Variants in IL1RAPL1 observed in about 807,000 individuals in gnomAD.
IL1RAPL1 encodes interleukin-1 receptor accessory protein-like 1.
A neutral mutation model predicts 48.4 loss-of-function variants in IL1RAPL1; 3 were observed. The observed-to-expected ratio is 0.06, with a 90% confidence interval of 0.03 to 0.16. The LOEUF (loss-of-function observed/expected upper bound fraction) is 0.16. Among genes scored for constraint, IL1RAPL1 ranks in the 10% least tolerant of loss-of-function variants. The pLI is 1.00. For missense variants in IL1RAPL1, 349 were observed against 530.6 expected, an observed-to-expected ratio of 0.66 and a Z score of 3.36; for synonymous variants, 185 against 187.7, an observed-to-expected ratio of 0.99 and a Z score of 0.12.
At chrX:28,996,860 T>G in intron 2 of IL1RAPL1, among the ~76,000 whole-genome samples, 1 of 111,449 alleles carries the variant, frequency 9.0e-6, no homozygotes, top group Non-Finnish European at 1.9e-5. Context: ...GTGTGATTAT[T>G]GGCCATTTGT....
At chrX:29,095,876 G>A (rs1928203357) in intron 2 of IL1RAPL1, among the ~76,000 whole-genome samples, 2 of 107,433 alleles carry the variant, frequency 1.9e-5, no homozygotes. Context: ...TTTTTGCTTT[G>A]TTTTTAATGG....
At chrX:29,257,748 A>G (rs1433843238) in intron 2 of IL1RAPL1, among the ~76,000 whole-genome samples, 1 of 111,903 alleles carries the variant, frequency 8.9e-6, no homozygotes, top group Non-Finnish European at 1.9e-5. Flanking sequence ...CTGACTTACT[A>G]TTCCTTTGCA....
chrX:28,619,896 T>C (rs998295531), intron 1 of IL1RAPL1, among the ~76,000 whole-genome samples: 1 of 111,600 alleles, frequency 9.0e-6, no homozygotes, highest in Non-Finnish European at 1.9e-5. Context: ...GATGATACCA[T>C]GTAGTTTTGC....
Position 28,587,751 on chromosome X carries a change from C to T in IL1RAPL1, c.-321C>T, listed in dbSNP as rs1203692297. The T allele has an allele frequency of 1.3e-5, 1 of 76,122 alleles. No homozygotes were observed. The highest frequency in any genetic ancestry group is 6.0e-5 in the African/African-American group (1 of 16,586). 6.3% of individuals were successfully genotyped at this position (76,122 alleles called of 1,213,427 possible). ...TTTCTATCTGCCTCTTCATTTTTCT[C>T]CTAGTCTGTTTTTTTTTTTCCTGCT... On this transcript the variant is annotated 5_prime_UTR_variant, in exon 1 of 11. Transcript: ENST00000378993.
chrX:29,531,033 A>G (rs1276966490), intron 5 of IL1RAPL1, among the ~76,000 whole-genome samples: 1 of 112,030 alleles, frequency 8.9e-6, no homozygotes, highest in Non-Finnish European at 1.9e-5. Flanking sequence ...TGCTAGTTTT[A>G]TTATGTTTGC....
At chrX:29,667,534 G>A (rs750726759) in intron 5 of IL1RAPL1, among the ~76,000 whole-genome samples, 3 of 112,130 alleles carry the variant, frequency 2.7e-5, no homozygotes, top group East Asian at 5.6e-4. Context: ...TTCGGTGACA[G>A]GTTTCAAGGG....
intron 1 of IL1RAPL1, among the ~76,000 whole-genome samples, chrX:28,756,902 GA>G (rs1256247590): frequency 9.0e-6 from 1 of 111,271 alleles, no homozygotes; most frequent in Admixed American, 9.6e-5. Flanking sequence ...TCTTGAGTTA[GA>G]ACAACCCTTT....
chrX:29,515,849 G>T (rs1935439874), intron 5 of IL1RAPL1, among the ~76,000 whole-genome samples: 1 of 110,969 alleles, frequency 9.0e-6, no homozygotes, highest in South Asian at 3.9e-4. Context: ...ACCACGCCTG[G>T]ATGAGTTTTG....
intron 2 of IL1RAPL1, among the ~76,000 whole-genome samples, chrX:29,247,656 C>T (rs1464130827): frequency 1.8e-5 from 2 of 110,920 alleles, no homozygotes; most frequent in Non-Finnish European, 1.9e-5. Flanking sequence ...GTGGCGGGCG[C>T]CTATAATCCC....
chrX:29,223,763 T>G (rs1373142439), intron 2 of IL1RAPL1, among the ~76,000 whole-genome samples: 1 of 110,130 alleles, frequency 9.1e-6, no homozygotes, highest in African/African-American at 3.3e-5. Flanking sequence ...CAGGCTGGTC[T>G]CGATCTCCTG....
intron 2 of IL1RAPL1, among the ~76,000 whole-genome samples, chrX:29,246,180 A>G (rs1362316830): frequency 1.1e-5 from 1 of 91,255 alleles, no homozygotes; most frequent in Non-Finnish European, 2.1e-5. Context: ...TTTTTTACAA[A>G]TGTAACCTTG....
chrX:29,546,203 T>C (rs1212431931), intron 5 of IL1RAPL1, among the ~76,000 whole-genome samples: 6 of 112,013 alleles, frequency 5.4e-5, no homozygotes, highest in Non-Finnish European at 7.5e-5. Flanking sequence ...GTATTTTTAC[T>C]GAGTAGGTAT....
intron 2 of IL1RAPL1, among the ~76,000 whole-genome samples, chrX:29,166,241 TGAA>T (rs1487217639): frequency 8.9e-6 from 1 of 112,114 alleles, no homozygotes; most frequent in Admixed American, 9.5e-5. Context: ...CACAGGAAAA[TGAA>T]GAATAACACA....
intron 1 of IL1RAPL1, among the ~76,000 whole-genome samples, chrX:28,608,939 T>TC (rs1356054015): frequency 1.8e-5 from 2 of 112,361 alleles, no homozygotes; most frequent in Admixed American, 1.9e-4. Context: ...ATGTTTTTTT[T>TC]CTCCTGTTCT....
At chrX:28,688,479 G>C (rs1935139635) in intron 1 of IL1RAPL1, among the ~76,000 whole-genome samples, 1 of 111,622 alleles carries the variant, frequency 9.0e-6, no homozygotes, top group Non-Finnish European at 1.9e-5. Context: ...CAAAGCACTT[G>C]GATTATAGGC....
chrX:29,547,161 G>A (rs1921648898), intron 5 of IL1RAPL1, among the ~76,000 whole-genome samples: 1 of 111,626 alleles, frequency 9.0e-6, no homozygotes, highest in Admixed American at 9.6e-5. Flanking sequence ...CCATTTCATT[G>A]CTATAAAATC....
chrX:28,686,028 A>C lies in IL1RAPL1; in HGVS notation c.-25+97981A>C, dbSNP rs1380421484. The stretch of plus-strand genomic sequence containing the variant: ...TATTCTGCATTTTCTTGGTGAACTT[A>C]CATTATCCTAAACAATTGATTATTT... On this transcript the variant is annotated intron_variant, in intron 1 of 10. Transcript: ENST00000378993. Among the ~76,000 whole-genome samples the C allele has an allele frequency of 6.3e-5, 7 of 111,835 alleles. No homozygotes were observed. In the Admixed American group the frequency reaches 6.7e-4, roughly 11 times the overall value.
chrX:29,414,348 T>C (rs1934187130), intron 5 of IL1RAPL1, among the ~76,000 whole-genome samples: 1 of 112,205 alleles, frequency 8.9e-6, no homozygotes, highest in Admixed American at 9.5e-5. Flanking sequence ...ATGGTAACTT[T>C]TATCTTATAT....
intron 6 of IL1RAPL1, among the ~76,000 whole-genome samples, chrX:29,862,151 C>T (rs1393851779): frequency 9.6e-6 from 1 of 104,232 alleles, no homozygotes; most frequent in Non-Finnish European, 1.9e-5. Flanking sequence ...CAGAGCAAGA[C>T]CCTGTCTCAA....
Sources: allele counts gnomAD v4.1 joint callset (sites outside exome capture counted in the v4.1 genomes callset), GRCh38; gene constraint gnomAD v4.1.1; transcripts MANE v1.5; gene names NCBI Gene and HGNC (gene_info 2026-07-23, HGNC 2026-07-21).